HYAL4: variants seen among roughly 807,000 people sequenced by gnomAD.
HYAL4 encodes hyaluronidase-4.
In HYAL4, 37 loss-of-function variants were observed where a neutral mutation model predicts 35.2. The ratio of observed to expected loss-of-function variants is 1.05; its 90% CI spans 0.81 to 1.38. HYAL4 has a LOEUF of 1.38. Ranked by LOEUF, HYAL4 falls within the 40% of genes most tolerant of loss-of-function variation. The pLI is 0.00. For missense variants in HYAL4, 572 were observed against 572.4 expected (o/e 1.00, Z 0.01); for synonymous variants, 198 against 203.2 (o/e 0.97, Z 0.22).
upstream of HYAL4, among the ~76,000 whole-genome samples, chr7:123,826,188 G>A (rs1283455630): frequency 6.6e-6 from 1 of 152,020 alleles, no homozygotes; most frequent in Non-Finnish European, 1.5e-5. Context: ...GTCACTTGCT[G>A]GGTTCTGGGA....
At chr7:123,768,549 T>C in the HYAL4 span, among the ~76,000 whole-genome samples, 4 of 152,236 alleles carry the variant, frequency 2.6e-5, no homozygotes, top group Non-Finnish European at 1.5e-5. Context: ...GATCATCTGA[T>C]AGACTTGTAT....
chr7:123,819,142 C>T, the HYAL4 span, among the ~76,000 whole-genome samples: 3 of 152,166 alleles, frequency 2.0e-5, no homozygotes, highest in Non-Finnish European at 4.4e-5. Context: ...CTATCTACTT[C>T]CATGAGATTA....
chr7:123,774,475 T>C, the HYAL4 span, among the ~76,000 whole-genome samples: 11 of 152,148 alleles, frequency 7.2e-5, no homozygotes, highest in Non-Finnish European at 1.0e-4. Context: ...TTGCTGTTCT[T>C]TGCAGCCTCT....
At chr7:123,817,690 A>G in the HYAL4 span, among the ~76,000 whole-genome samples, 12 of 151,098 alleles carry the variant, frequency 7.9e-5, no homozygotes, top group Non-Finnish European at 1.8e-4. Context: ...TTGTATTTTT[A>G]GTAGAGACAG....
At chr7:123,833,839 G>A (rs1045440613) in intron 1 of HYAL4, among the ~76,000 whole-genome samples, 1 of 152,020 alleles carries the variant, frequency 6.6e-6, no homozygotes, top group Non-Finnish European at 1.5e-5. Flanking sequence ...TGTTGAAAAG[G>A]GTGTCCTTTC....
At chr7:123,833,385 T>C (rs568154779) in intron 1 of HYAL4, among the ~76,000 whole-genome samples, 2 of 111,738 alleles carry the variant, frequency 1.8e-5, no homozygotes, top group Non-Finnish European at 3.8e-5. Context: ...CTTCTTTTGA[T>C]AGTTTTCTAT....
At chr7:123,798,915 A>G in the HYAL4 span, among the ~76,000 whole-genome samples, 1 of 152,178 alleles carries the variant, frequency 6.6e-6, no homozygotes, top group Admixed American at 6.5e-5. Context: ...AAAGGAAGTA[A>G]GAGAAGTAAC....
At chr7:123,861,511 T>G (rs1226447627) in intron 2 of HYAL4, among the ~76,000 whole-genome samples, 1 of 152,156 alleles carries the variant, frequency 6.6e-6, no homozygotes, top group Non-Finnish European at 1.5e-5. Flanking sequence ...AAATTTCAAG[T>G]CCTAAAAGAG....
At chr7:123,790,692 T>A in the HYAL4 span, 1 of 152,010 alleles carries the variant, frequency 6.6e-6, no homozygotes, top group African/African-American at 2.4e-5. Context: ...TTTTAGTATA[T>A]GTGCTGCCGA....
intron 2 of HYAL4, among the ~76,000 whole-genome samples, chr7:123,853,320 A>C (rs1057045123): frequency 9.2e-5 from 14 of 152,196 alleles, no homozygotes; most frequent in Admixed American, 5.2e-4. Context: ...TGCTTTTCAA[A>C]GGGAATGCTT....
At chr7:123,871,747 C>A (rs2116963846) in intron 3 of HYAL4, among the ~76,000 whole-genome samples, 1 of 152,168 alleles carries the variant, frequency 6.6e-6, no homozygotes, top group African/African-American at 2.4e-5. Flanking sequence ...TGATGTAAAT[C>A]AAATGAGAAC....
At chr7:123,823,316 G>A in the HYAL4 span, among the ~76,000 whole-genome samples, 2 of 152,134 alleles carry the variant, frequency 1.3e-5, no homozygotes, top group East Asian at 1.9e-4. Flanking sequence ...TGATCATGGT[G>A]TATGATACTT....
intron 2 of HYAL4, among the ~76,000 whole-genome samples, chr7:123,864,745 T>A (rs151114809): frequency 7.9e-5 from 12 of 151,262 alleles, no homozygotes; most frequent in Admixed American, 7.2e-4. Flanking sequence ...AAACAGAGAT[T>A]GCATGGTGGG....
At chr7:123,830,723 T>C (rs1162664556) in intron 1 of HYAL4, among the ~76,000 whole-genome samples, 1 of 152,212 alleles carries the variant, frequency 6.6e-6, no homozygotes, top group Non-Finnish European at 1.5e-5. Flanking sequence ...ATGGCTATTT[T>C]TATATTGGAG....
intron 2 of HYAL4, among the ~76,000 whole-genome samples, chr7:123,850,200 G>C (rs1806271976): frequency 6.6e-6 from 1 of 152,194 alleles, no homozygotes; most frequent in African/African-American, 2.4e-5. Flanking sequence ...AATTCAGTTT[G>C]AGGATGGAAA....
At chr7:123,812,664 T>A in the HYAL4 span, among the ~76,000 whole-genome samples, 1 of 152,146 alleles carries the variant, frequency 6.6e-6, no homozygotes, top group South Asian at 2.1e-4. Flanking sequence ...TAAAAAGGTG[T>A]TTTTTGTTCC....
the HYAL4 span, among the ~76,000 whole-genome samples, chr7:123,771,703 G>T: frequency 6.6e-6 from 1 of 152,036 alleles, no homozygotes; most frequent in Non-Finnish European, 1.5e-5. Flanking sequence ...TGGCCACAGG[G>T]TGCCTAGGTT....
At chr7:123,798,177 G>A in the HYAL4 span, among the ~76,000 whole-genome samples, 5 of 152,152 alleles carry the variant, frequency 3.3e-5, no homozygotes, top group South Asian at 4.1e-4. Flanking sequence ...ACCTGTCAGC[G>A]GTAGTTACAG....
At chr7:123,794,922 C>T in the HYAL4 span, among the ~76,000 whole-genome samples, 1 of 152,198 alleles carries the variant, frequency 6.6e-6, no homozygotes, top group Non-Finnish European at 1.5e-5. Context: ...CACTGTGTGC[C>T]TGGAAAGGCC....
Sources: gnomAD v4.1 joint callset for allele counts (sites outside exome capture counted in the v4.1 genomes callset) on GRCh38, gnomAD v4.1.1 for gene constraint, MANE v1.5 for transcripts, NCBI Gene and HGNC (gene_info 2026-07-23, HGNC 2026-07-21) for gene names.